IL1RAPL1: variants seen among roughly 807,000 people sequenced by gnomAD.
IL1RAPL1 encodes the protein interleukin 1 receptor accessory protein like 1.
A neutral mutation model predicts 48.4 loss-of-function variants in IL1RAPL1; 3 were observed. The observed-to-expected ratio is 0.06, with a 90% CI of 0.03 to 0.16. The LOEUF (loss-of-function observed/expected upper bound fraction) is 0.16, where lower values mean the gene tolerates loss of function less well. IL1RAPL1 is among the 10% of genes least tolerant of loss of function. IL1RAPL1 has a pLI of 1.00. For synonymous variants in IL1RAPL1, 185 were observed against 187.7 expected (o/e 0.99, Z 0.12); for missense variants, 349 against 530.6 (o/e 0.66, Z 3.36).
At chrX:29,048,289 G>A (rs1026497425) in intron 2 of IL1RAPL1, among the ~76,000 whole-genome samples, 5 of 111,826 alleles carry the variant, frequency 4.5e-5, no homozygotes, top group African/African-American at 1.6e-4. Flanking sequence ...AATAAATATG[G>A]TTTCTTTTGT....
Position 29,222,037 on chromosome X carries a change from T to C in IL1RAPL1, c.83-60901T>C, listed in dbSNP as rs754194485. ...CGTCAAAAAAAAAAAAAAAAAAACCTGCACATGTATATATTTCACCAAACA... is the reference window on the plus strand; with the variant it reads ...CGTCAAAAAAAAAAAAAAAAAAACCCGCACATGTATATATTTCACCAAACA... On this transcript the variant is annotated intron_variant, in intron 2 of 10. Coordinates refer to ENST00000378993, the MANE Select transcript of IL1RAPL1 (RefSeq NM_014271.4). 1.2e-3 allele frequency among the ~76,000 whole-genome samples: 90 copies of C among 77,188 alleles called. No homozygotes were observed. In the South Asian group the frequency reaches 0.014, roughly 12 times the overall value. The allele number at this position is 77,188 out of a possible 115,157, so 67.0% of individuals were successfully genotyped here. A position where few individuals can be genotyped will look rare whatever the true frequency, so the allele number is the denominator to read the frequency against.
chrX:28,723,542 C>G (rs745964246), intron 1 of IL1RAPL1, among the ~76,000 whole-genome samples: 90 of 111,803 alleles, frequency 8.0e-4, no homozygotes, highest in African/African-American at 2.6e-3. Context: ...TTCAAAAAAG[C>G]AGCTTCTGGA....
intron 5 of IL1RAPL1, among the ~76,000 whole-genome samples, chrX:29,465,801 G>C (rs1051430046): frequency 5.5e-4 from 62 of 111,736 alleles, no homozygotes; most frequent in Non-Finnish European, 8.8e-4. Context: ...TCCATTTCTA[G>C]AGACTCTGAT....
chrX:29,695,331 A>G (rs1160270411), intron 6 of IL1RAPL1, among the ~76,000 whole-genome samples: 1 of 111,801 alleles, frequency 8.9e-6, no homozygotes, highest in Non-Finnish European at 1.9e-5. Flanking sequence ...GTGATATGCT[A>G]ACAACAACTG....
At chrX:28,897,749 T>C (rs1009361397) in intron 2 of IL1RAPL1, among the ~76,000 whole-genome samples, 2 of 111,799 alleles carry the variant, frequency 1.8e-5, no homozygotes, top group African/African-American at 3.3e-5. Context: ...ACCAAACAGG[T>C]TTTGTGTGAG....
At chrX:29,452,076 G>C (rs1934686511) in intron 5 of IL1RAPL1, among the ~76,000 whole-genome samples, 1 of 111,389 alleles carries the variant, frequency 9.0e-6, no homozygotes. Flanking sequence ...AATATAACCT[G>C]GGAGTTCTGA....
At chrX:29,767,429 A>G (rs1172357340) in intron 6 of IL1RAPL1, among the ~76,000 whole-genome samples, 1 of 112,216 alleles carries the variant, frequency 8.9e-6, no homozygotes, top group African/African-American at 3.2e-5. Context: ...AGAAAAGTAT[A>G]AAGTGCTATT....
chrX:29,397,912 C>T (rs1933938836), intron 4 of IL1RAPL1, among the ~76,000 whole-genome samples: 1 of 112,299 alleles, frequency 8.9e-6, no homozygotes. Context: ...ACTACACACA[C>T]ACAGTGTAAA....
intron 5 of IL1RAPL1, among the ~76,000 whole-genome samples, chrX:29,613,712 CGTGTGTGTGTGTGTGT>C (rs753582133): frequency 0.018 from 1,050 of 58,791 alleles, 23 homozygotes; most frequent in African/African-American, 0.055. Flanking sequence ...GGGTTTTTTT[CGTGTGTGTGTGTGTGT>C]GTGTGTGTGT....
At chrX:29,404,108 C>T (rs2147692136) in intron 5 of IL1RAPL1, among the ~76,000 whole-genome samples, 1 of 111,821 alleles carries the variant, frequency 8.9e-6, no homozygotes, top group Admixed American at 9.6e-5. Flanking sequence ...TCTCTTTGTG[C>T]TGTGAAGTTC....
At chrX:28,592,553 G>A (rs999030969) in intron 1 of IL1RAPL1, among the ~76,000 whole-genome samples, 4 of 111,885 alleles carry the variant, frequency 3.6e-5, no homozygotes, top group African/African-American at 1.3e-4. Flanking sequence ...TAATGTTCTT[G>A]TATCTTAACA....
intron 2 of IL1RAPL1, among the ~76,000 whole-genome samples, chrX:29,270,024 T>C (rs1328075668): frequency 1.8e-5 from 2 of 111,701 alleles, no homozygotes; most frequent in Non-Finnish European, 1.9e-5. Flanking sequence ...CAGTATGTAC[T>C]CTGTTTTGTC....
At chrX:29,456,998 G>A (rs1934746637) in intron 5 of IL1RAPL1, among the ~76,000 whole-genome samples, 2 of 108,906 alleles carry the variant, frequency 1.8e-5, no homozygotes, top group Admixed American at 2.0e-4. Context: ...GCCATGCATG[G>A]TGGCATGCGC....
intron 2 of IL1RAPL1, among the ~76,000 whole-genome samples, chrX:29,168,137 A>G (rs966672145): frequency 9.2e-4 from 102 of 110,550 alleles, no homozygotes; most frequent in African/African-American, 3.1e-3. Flanking sequence ...TGAGGATAAA[A>G]TCAGGGTAAT....
At chrX:29,598,686 C>T (rs973687426) in intron 5 of IL1RAPL1, among the ~76,000 whole-genome samples, 3 of 111,295 alleles carry the variant, frequency 2.7e-5, no homozygotes, top group African/African-American at 6.5e-5. Flanking sequence ...TACTAGTAAT[C>T]GTTTTATAAA....
chrX:29,222,034 A>AAC (rs3065742), intron 2 of IL1RAPL1, among the ~76,000 whole-genome samples: 1 of 107,421 alleles, frequency 9.3e-6, no homozygotes, highest in Non-Finnish European at 1.9e-5. Flanking sequence ...AAAAAAAAAA[A>AAC]CCTGCACATG....
chrX:29,215,963 TC>T (rs1323492846), intron 2 of IL1RAPL1, among the ~76,000 whole-genome samples: 1 of 110,813 alleles, frequency 9.0e-6, no homozygotes, highest in Non-Finnish European at 1.9e-5. Context: ...AACAAGTATC[TC>T]CTGGCCCCTC....
chrX:28,696,371 A>G (rs1328785548), intron 1 of IL1RAPL1, among the ~76,000 whole-genome samples: 1 of 111,705 alleles, frequency 9.0e-6, no homozygotes, highest in African/African-American at 3.2e-5. Context: ...GTGTTTCTGC[A>G]TCTTGCTTTT....
In IL1RAPL1 at chrX:29,195,905, A is replaced by T. The variant is rs183095254; in HGVS notation, c.83-87033A>T. Among the ~76,000 whole-genome samples, 4 of 111,440 alleles carry T rather than the reference A, an allele frequency of 3.6e-5. No individual in the cohort carries two copies. The East Asian group carries it at 1.1e-3, about 31-fold the overall frequency. ...AATCCCTGAACCTTCCAATTTCTGT[A>T]GAAATTTACACTCTGAAGCAGTTAG... On this transcript the variant is annotated intron_variant, in intron 2 of 10. Transcript: ENST00000378993.
Sources: gnomAD v4.1 joint callset for allele counts (sites outside exome capture counted in the v4.1 genomes callset) on GRCh38, gnomAD v4.1.1 for gene constraint, MANE v1.5 for transcripts, NCBI Gene and HGNC (gene_info 2026-07-23, HGNC 2026-07-21) for gene names.